The following CD226 variants were observed in gnomAD, a reference collection of about 807,000 sequenced individuals.
CD226 encodes the protein CD226 antigen.
In CD226, 24 loss-of-function variants were observed where a neutral mutation model predicts 34.9. The observed-to-expected ratio is 0.69, with a 90% CI of 0.50 to 0.97. CD226 has a LOEUF of 0.97. Ranked by LOEUF, CD226 falls within the 50% of genes least tolerant of loss-of-function variation. The probability of loss-of-function intolerance (pLI) is 0.00; values close to 1 mark genes in which losing one functional copy is unlikely to be tolerated. For synonymous variants in CD226, 148 were observed against 147.4 expected (o/e 1.00, Z -0.03); for missense variants, 397 against 412.7 (o/e 0.96, Z 0.33).
intron 2 of CD226, among the ~76,000 whole-genome samples, chr18:69,928,189 T>C (rs892158328): frequency 1.3e-5 from 2 of 152,238 alleles, no homozygotes; most frequent in African/African-American, 4.8e-5. Context: ...AAAGTACTCA[T>C]AGGCAGCTGT....
chr18:69,854,807 CTCCTT>C lies in CD226; in HGVS notation c.*9502_*9506del, dbSNP rs1231032460. On this transcript the variant is annotated 3_prime_UTR_variant, in exon 6 of 6. Coordinates refer to ENST00000582621, the MANE Select transcript of CD226 (RefSeq NM_001303618.2). ...TTTCACTGTAAGATTACAGAGCACT[CTCCTT>C]TCCCACAGCTTAGTACTACACCAAC... 4 of 152,240 alleles carry C rather than the reference CTCCTT, an allele frequency of 2.6e-5. No homozygotes were observed. The highest frequency in any genetic ancestry group is 2.9e-5 in the Non-Finnish European group (2 of 68,084). 9.4% of individuals were successfully genotyped at this position (152,240 alleles called of 1,614,324 possible). A position where few individuals can be genotyped will look rare whatever the true frequency, so the allele number is the denominator to read the frequency against.
chr18:69,923,525 C>T (rs1373028827), intron 2 of CD226, among the ~76,000 whole-genome samples: 1 of 152,092 alleles, frequency 6.6e-6, no homozygotes, highest in African/African-American at 2.4e-5. Context: ...TGAGAACTGA[C>T]CAATGGAAAT....
intron 1 of CD226, chr18:69,956,487 G>C (rs549063528): frequency 6.6e-6 from 1 of 152,114 alleles, no homozygotes; most frequent in African/African-American, 2.4e-5. Context: ...AGAACTTTAC[G>C]ATCAGATCTA....
intron 2 of CD226, among the ~76,000 whole-genome samples, chr18:69,897,232 T>C (rs1985351902): frequency 6.6e-6 from 1 of 152,208 alleles, no homozygotes; most frequent in Non-Finnish European, 1.5e-5. Context: ...ACATGACAGA[T>C]ATAGCGTACA....
At position 69,872,117 on chromosome 18, in the gene CD226, G is replaced by C. The variant is rs1983571462; in HGVS notation, c.830+1027C>G. Reference sequence around the variant, plus strand: ...TGCATTTGGTAACATTACTGAAGGAGAGGAGTGCAGATGGACATATTCACC... The same window carrying C: ...TGCATTTGGTAACATTACTGAAGGACAGGAGTGCAGATGGACATATTCACC... On this transcript the variant is annotated intron_variant, in intron 4 of 5. Coordinates refer to ENST00000582621, the MANE Select transcript of CD226 (RefSeq NM_001303618.2). Among the ~76,000 whole-genome samples the C allele has an allele frequency of 2.0e-5, 3 of 150,970 alleles. No individual in the cohort carries two copies. The South Asian group carries it at 6.3e-4, about 32-fold the overall frequency.
At chr18:69,926,111 CCA>C (rs1247455430) in intron 2 of CD226, among the ~76,000 whole-genome samples, 1 of 152,018 alleles carries the variant, frequency 6.6e-6, no homozygotes, top group Non-Finnish European at 1.5e-5. Context: ...CCACTGCACT[CCA>C]GACTGGGCGA....
chr18:69,942,965 T>A (rs1349355662), intron 2 of CD226, among the ~76,000 whole-genome samples: 1 of 152,198 alleles, frequency 6.6e-6, no homozygotes, highest in Non-Finnish European at 1.5e-5. Context: ...GCACGACTTT[T>A]CTCTACCATG....
At chr18:69,921,583 C>T (rs759502485) in intron 2 of CD226, among the ~76,000 whole-genome samples, 2 of 152,154 alleles carry the variant, frequency 1.3e-5, no homozygotes, top group Non-Finnish European at 2.9e-5. Context: ...TCCCCCAGGC[C>T]GAGCCACAAG....
chr18:69,946,856 G>A lies in CD226; in HGVS notation c.260C>T (p.Ala87Val). Residue 87 changes from alanine to valine, a missense_variant, in exon 2 of 6, where the codon GCT (alanine) becomes GTT (valine). Ala to Val is a moderately conservative substitution (Grantham distance 64, BLOSUM62 0). Coordinates refer to ENST00000582621, the MANE Select transcript of CD226 (RefSeq NM_001303618.2). ...AAAGAAAAGAGTCATGTTATTGGAA[G>A]CCATCGTTGAATTCAAAAAGTAAAC... ...ERVYFLNSTM[A>V]SNNMTLFFRN... is the part of the protein sequence containing the mutation. 6.2e-7 allele frequency: 1 copy of A among 1,614,122 alleles called. No individual in the cohort carries two copies. Among genetic ancestry groups the A allele is most frequent in the South Asian group, 1.1e-5 (1 of 91,078 alleles).
chr18:69,950,632 T>C (rs775600846), upstream of CD226, among the ~76,000 whole-genome samples: 5 of 151,918 alleles, frequency 3.3e-5, no homozygotes, highest in Admixed American at 6.5e-5. Context: ...TCCAGGTGGA[T>C]AGGAGAGCAG....
At chr18:69,921,475 A>G (rs2055450431) in intron 2 of CD226, among the ~76,000 whole-genome samples, 1 of 152,128 alleles carries the variant, frequency 6.6e-6, no homozygotes, top group Admixed American at 6.5e-5. Context: ...TTGGATTGTA[A>G]GCATCTCCAC....
At chr18:69,927,369 CACACACACACACACACACAA>C (rs1452782190) in intron 2 of CD226, among the ~76,000 whole-genome samples, 4 of 136,622 alleles carry the variant, frequency 2.9e-5, no homozygotes, top group African/African-American at 7.1e-5. Context: ...ACACTACACA[CACACACACACACACACACAA>C]ACACACACAC....
intron 2 of CD226, among the ~76,000 whole-genome samples, chr18:69,909,451 C>G (rs1382087530): frequency 1.3e-5 from 2 of 152,136 alleles, no homozygotes; most frequent in East Asian, 3.8e-4. Flanking sequence ...CCAAAGAGCT[C>G]CAGGTGCTTT....
At chr18:69,883,255 CTT>C (rs1254489001) in intron 3 of CD226, among the ~76,000 whole-genome samples, 1 of 152,072 alleles carries the variant, frequency 6.6e-6, no homozygotes, top group Admixed American at 6.5e-5. Flanking sequence ...TATTTTTTAA[CTT>C]TAACTTTAAA....
At chr18:69,905,939 A>C (rs2055247656) in intron 2 of CD226, among the ~76,000 whole-genome samples, 1 of 152,214 alleles carries the variant, frequency 6.6e-6, no homozygotes, top group Non-Finnish European at 1.5e-5. Context: ...CCAGAAGAAA[A>C]TCTATTTAGG....
chr18:69,920,875 T>C (rs1407483484), intron 2 of CD226, among the ~76,000 whole-genome samples: 2 of 152,184 alleles, frequency 1.3e-5, no homozygotes, highest in African/African-American at 4.8e-5. Flanking sequence ...ATGAATAGCA[T>C]CTAGCACAAC....
At chr18:69,915,368 T>C (rs765577688) in intron 2 of CD226, among the ~76,000 whole-genome samples, 9 of 152,206 alleles carry the variant, frequency 5.9e-5, no homozygotes, top group Non-Finnish European at 8.8e-5. Flanking sequence ...TATCATGCCA[T>C]GGTTCTCCAT....
upstream of CD226, among the ~76,000 whole-genome samples, chr18:69,950,515 G>C (rs529965725): frequency 1.3e-5 from 2 of 152,310 alleles, no homozygotes; most frequent in East Asian, 3.9e-4. Flanking sequence ...GGCTGTGTCA[G>C]GTTGGTGGTC....
intron 4 of CD226, among the ~76,000 whole-genome samples, chr18:69,870,597 T>G (rs1238784517): frequency 6.6e-6 from 1 of 152,140 alleles, no homozygotes; most frequent in Non-Finnish European, 1.5e-5. Context: ...CTTTCACACT[T>G]GCCAATGTGA....
Sources: gnomAD v4.1 joint callset for allele counts (sites outside exome capture counted in the v4.1 genomes callset) on GRCh38, gnomAD v4.1.1 for gene constraint, MANE v1.5 for transcripts, NCBI Gene and HGNC (gene_info 2026-07-23, HGNC 2026-07-21) for gene names.